The following NOTCH1 variants were observed in gnomAD, a reference collection of about 807,000 sequenced individuals.
NOTCH1 encodes the protein neurogenic locus notch homolog protein 1.
NOTCH1 carries 37 observed loss-of-function variants against 254.8 expected under a neutral mutation model. That is an observed-to-expected ratio of 0.15 (90% CI 0.11 to 0.19). The LOEUF is 0.19. Ranked by LOEUF, NOTCH1 falls within the 10% of genes least tolerant of loss-of-function variation. The pLI is 1.00. For synonymous variants in NOTCH1, 1,731 were observed against 1,618.1 expected, an observed-to-expected ratio of 1.07 and a Z score of -1.68; for missense variants, 2,972 against 3,708.6, an observed-to-expected ratio of 0.80 and a Z score of 5.16.
Position 136,545,904 on chromosome 9 carries a change from C to A in NOTCH1, c.-118G>T, listed in dbSNP as rs1449620977. On this transcript the variant is annotated 5_prime_UTR_variant, in exon 1 of 34. Coordinates refer to ENST00000651671, the MANE Select transcript of NOTCH1 (RefSeq NM_017617.5). The surrounding 1 kb of genome is among the most constrained non-coding windows in gnomAD (Gnocchi z 6.8). ...GCGGCGGCGGACGGTCCCGCCCTCT[C>A]TTCCCCGGCTGGCTGGCGGCGCTGT... 6 of 367,412 alleles carry A rather than the reference C, an allele frequency of 1.6e-5. No individual in the cohort carries two copies. Among genetic ancestry groups the A allele is most frequent in the Non-Finnish European group, 2.5e-5 (6 of 244,326 alleles). The allele number at this position is 367,412 out of a possible 1,614,324, so 22.8% of individuals were successfully genotyped here.
chr9:136,513,692 C>T lies in NOTCH1; in HGVS notation c.2208-155G>A, dbSNP rs1843219352. On this transcript the variant is annotated intron_variant, in intron 13 of 33. Coordinates refer to ENST00000651671, the MANE Select transcript of NOTCH1 (RefSeq NM_017617.5). This position sits in a 1 kb window ranked among gnomAD's most constrained non-coding sequence, Gnocchi z 4.7. ...AGTGGGGGCAGGCTGGGCGCTGTGGCTCACACCTGTAATCCCAGCACTTTG... is the reference window on the plus strand; with the variant it reads ...AGTGGGGGCAGGCTGGGCGCTGTGGTTCACACCTGTAATCCCAGCACTTTG... 7.5e-6 allele frequency: 6 copies of T among 804,184 alleles called. No homozygotes were observed. The highest frequency in any genetic ancestry group is 1.2e-5 in the Non-Finnish European group (6 of 496,346). 49.8% of individuals were successfully genotyped at this position (804,184 alleles called of 1,614,324 possible).
intron 2 of NOTCH1, among the ~76,000 whole-genome samples, chr9:136,537,932 A>C (rs1589081197): frequency 6.6e-6 from 1 of 152,168 alleles, no homozygotes; most frequent in Non-Finnish European, 1.5e-5. Context: ...GCCCCTACTA[A>C]GAATACAAAA....
chr9:136,500,477 T>C (rs2133325114), intron 31 of NOTCH1, 75 bp downstream of exon 31: 1 of 1,570,810 alleles, frequency 6.4e-7, no homozygotes, highest in Non-Finnish European at 8.7e-7. Context: ...CAGGGCCACG[T>C]AAGCCTGGCC....
chr9:136,526,459 C>T (rs925415357), intron 2 of NOTCH1, among the ~76,000 whole-genome samples: 1 of 152,242 alleles, frequency 6.6e-6, no homozygotes, highest in Non-Finnish European at 1.5e-5. Context: ...GGTCCCCTGC[C>T]TCCCGGCCCC....
rs1843302301 is a variant in NOTCH1 at position 136,517,883 on chromosome 9, T to G, written c.1310A>C (p.Glu437Ala). The G allele has an allele frequency of 6.2e-7, 1 of 1,612,024 alleles. No individual in the cohort carries two copies. The highest frequency in any genetic ancestry group is 8.5e-7 in the Non-Finnish European group (1 of 1,179,830). ...CGTGTAGCCCTGCAGACACTGGCAC[T>G]CGAAGGAGCCCAGCGTGTTGATGCA... ...GKCINTLGSF[E>A]CQCLQGYTGP... Residue 437 changes from glutamate to alanine, a missense_variant, in exon 8 of 34, where the codon GAG becomes GCG. Coordinates refer to ENST00000651671, the MANE Select transcript of NOTCH1 (RefSeq NM_017617.5).
Position 136,540,946 on chromosome 9 carries a change from G to C in NOTCH1, c.140+3078C>G, listed in dbSNP as rs547200489. 6.6e-6 allele frequency among the ~76,000 whole-genome samples: 1 copy of C among 152,092 alleles called. No individual in the cohort carries two copies. Among genetic ancestry groups the C allele is most frequent in the African/African-American group, 2.4e-5 (1 of 41,384 alleles). ...GACGTAGTCTCACCCAGACAGATAG[G>C]GTCCCTGCAGCTCTTCCCAGCTCTC... On this transcript the variant is annotated intron_variant, in intron 2 of 33. Coordinates refer to ENST00000651671, the MANE Select transcript of NOTCH1 (RefSeq NM_017617.5). This position sits in a 1 kb window ranked among gnomAD's most constrained non-coding sequence, Gnocchi z 4.4.
At chr9:136,532,521 G>A (rs553284076) in intron 2 of NOTCH1, among the ~76,000 whole-genome samples, 51 of 152,298 alleles carry the variant, frequency 3.3e-4, no homozygotes, top group Middle Eastern at 3.4e-3. Flanking sequence ...ACCAGGAAGG[G>A]GCTCCAGGGT....
At chr9:136,541,706 G>A (rs1469776615) in intron 2 of NOTCH1, among the ~76,000 whole-genome samples, 1 of 152,198 alleles carries the variant, frequency 6.6e-6, no homozygotes, top group Non-Finnish European at 1.5e-5. Context: ...GGAGCCCGGG[G>A]CCTTCTCCGA....
intron 9 of NOTCH1, among the ~76,000 whole-genome samples, chr9:136,516,597 G>A (rs1005958266): frequency 8.5e-5 from 13 of 152,210 alleles, no homozygotes; most frequent in African/African-American, 2.7e-4. Context: ...TGTCGCTGGC[G>A]TGCCGTTGGG....
Position 136,496,782 on chromosome 9 carries a change from C to T in NOTCH1, c.6957G>A (p.Val2319=). 1 of 1,612,866 alleles carries T rather than the reference C, an allele frequency of 6.2e-7. No individual in the cohort carries two copies. The highest frequency in any genetic ancestry group is 8.5e-7 in the Non-Finnish European group (1 of 1,179,998). Residue 2319 remains valine, a synonymous_variant, in exon 34 of 34, where the codon GTG becomes GTA. Transcript: ENST00000651671. ...EWLSRLQSGM[V]PNQYNPLRGS... ...CCCGCAGAGGGTTGTATTGGTTCGG[C>T]ACCATGCCGCTCTGCAGCCGGGACA... is the stretch of plus-strand genomic sequence containing the variant.
rs1191899630 is a variant in NOTCH1 at position 136,523,778 on chromosome 9, C to T, written c.342G>A (p.Gly114=). 6.2e-7 allele frequency: 1 copy of T among 1,611,770 alleles called. No individual in the cohort carries two copies. The highest frequency in any genetic ancestry group is 1.1e-5 in the South Asian group (1 of 90,912). ...NACLTNPCRN[G]GTCDLLTLTE... ...TCAGCGTGAGCAGGTCGCAGGTGCC[C>T]CCGTTGCGGCAGGGGTTGGTGAGGC... Residue 114 remains glycine, a synonymous_variant, in exon 3 of 34, where the codon GGG becomes GGA. Transcript: ENST00000651671.
rs541372272 is a variant in NOTCH1 at position 136,500,804 on chromosome 9, G to A, written c.5682C>T (p.Gly1894=). The change falls in exon 31 of 34, where the codon GGC becomes GGT. Residue 1894 remains glycine (G), a synonymous_variant. Coordinates refer to ENST00000651671, the MANE Select transcript of NOTCH1 (RefSeq NM_017617.5). ...CTTCCTCGCTGTTGCCCGTCTCCAG[G>A]CCGCCCCCGCTGCAGGAGGCGATCA... The part of the protein sequence containing the change: ...PLMIASCSGG[G]LETGNSEEEE... 1.3e-5 allele frequency: 21 copies of A among 1,599,570 alleles called. No individual in the cohort carries two copies. In the African/African-American group the frequency reaches 2.0e-4, roughly 15 times the overall value.
At chr9:136,503,802 TC>T (rs142496764) in intron 26 of NOTCH1, among the ~76,000 whole-genome samples, 1,952 of 152,272 alleles carry the variant, frequency 0.013, 36 homozygotes, top group African/African-American at 0.043. Flanking sequence ...CAGGATCCCA[TC>T]CAGCCTGTGA....
chr9:136,504,843 G>T lies in NOTCH1; in HGVS notation c.4848C>A (p.Ile1616=), dbSNP rs1843053505. ...CCTCCTCGCGGCCGTAGTAGGGGAA[G>T]ATCATCTGCTGGCCGTGTGCGTCAC... The part of the protein sequence containing the change: ...FKRDAHGQQM[I]FPYYGREEEL... Residue 1616 remains isoleucine, a synonymous_variant, in exon 26 of 34, where the codon ATC becomes ATA. Coordinates refer to ENST00000651671, the MANE Select transcript of NOTCH1 (RefSeq NM_017617.5). The T allele has an allele frequency of 7.0e-6, 11 of 1,580,110 alleles. No individual in the cohort carries two copies. The highest frequency in any genetic ancestry group is 9.5e-6 in the Non-Finnish European group (11 of 1,163,620).
chr9:136,497,585 A>AT, intron 33 of NOTCH1, 27 bp from the exon 34 acceptor site: 1 of 1,421,292 alleles, frequency 7.0e-7, no homozygotes, highest in Non-Finnish European at 9.5e-7. Flanking sequence ...GGGGCCGGTG[A>AT]GGGGGGCCAG....
rs2133379880 is a variant in NOTCH1, at chr9:136,523,975, C to A, written c.145G>T (p.Gly49Cys). 6.4e-7 allele frequency: 1 copy of A among 1,554,576 alleles called. No individual in the cohort carries two copies. The highest frequency in any genetic ancestry group is 8.7e-7 in the Non-Finnish European group (1 of 1,150,592). ...CATCGCGGGCCCACGAAGGCCCCGC[C>A]ACAGCTGTTGGCAGATGTGCCAGGG... ...AANGTEACVC[G>C]GAFVGPRCQD... is the part of the protein sequence containing the mutation. Residue 49 changes from glycine (G) to cysteine (C), a missense_variant, in exon 3 of 34, where the codon GGC becomes TGC. Physicochemically the swap from Gly to Cys is radical, Grantham distance 159 (BLOSUM62 -3). This residue lies in a region of NOTCH1 where 374 missense variants were observed against 496.3 expected (regional missense o/e 0.75). Coordinates refer to ENST00000651671, the MANE Select transcript of NOTCH1 (RefSeq NM_017617.5).
Position 136,513,609 on chromosome 9 carries a change from C to G in NOTCH1, c.2208-72G>C, listed in dbSNP as rs1589064817. 1.1e-5 allele frequency: 17 copies of G among 1,560,278 alleles called. No homozygotes were observed. The highest frequency in any genetic ancestry group is 1.5e-5 in the Non-Finnish European group (17 of 1,140,710). ...GGCCGGGGCCTGGGCACTCCCGGGT[C>G]TGCAATGCCCTATGGGCTGGCGGAG... On this transcript the variant is annotated intron_variant, in intron 13 of 33. Coordinates refer to ENST00000651671, the MANE Select transcript of NOTCH1 (RefSeq NM_017617.5). This position sits in a 1 kb window ranked among gnomAD's most constrained non-coding sequence, Gnocchi z 4.7.
At position 136,518,789 on chromosome 9, in the gene NOTCH1, G is replaced by C. The variant is rs1564200379; in HGVS notation, c.901C>G (p.Leu301Val). 1 of 1,612,864 alleles carries C rather than the reference G, an allele frequency of 6.2e-7. No individual in the cohort carries two copies. Among genetic ancestry groups the C allele is most frequent in the Non-Finnish European group, 8.5e-7 (1 of 1,179,984 alleles). The change falls in exon 6 of 34, where the codon CTG becomes GTG. Residue 301 changes from leucine (L) to valine (V), a missense_variant. Around this residue, in one of 8 missense-constraint regions of NOTCH1, gnomAD observed 374 missense variants for 496.3 expected, o/e 0.75. Transcript: ENST00000651671. ...CCGTTCTGGCAGGCATTTGGCATCA[G>C]CTGGCACTCGTCCACATCCTCGGTA... ...YCTEDVDECQ[L>V]MPNACQNGGT...
At position 136,545,814 on chromosome 9, in the gene NOTCH1, C is replaced by T; in HGVS notation, c.-28G>A. 1 of 1,231,258 alleles carries T rather than the reference C, an allele frequency of 8.1e-7. No homozygotes were observed. The highest frequency in any genetic ancestry group is 1.0e-6 in the Non-Finnish European group (1 of 982,288). The allele number at this position is 1,231,258 out of a possible 1,614,324, so 76.3% of individuals were successfully genotyped here. A position where few individuals can be genotyped will look rare whatever the true frequency, so the allele number is the denominator to read the frequency against. On this transcript the variant is annotated 5_prime_UTR_variant, in exon 1 of 34. Coordinates refer to ENST00000651671, the MANE Select transcript of NOTCH1 (RefSeq NM_017617.5). The surrounding 1 kb of genome is among the most constrained non-coding windows in gnomAD (Gnocchi z 6.8). ...CTCCCCACCGGCTGCCCTCTGCGCC[C>T]GGGCGGCGGCCTCCTGCGCTGGCCG... is the stretch of plus-strand genomic sequence containing the variant.
Sources: gnomAD v4.1 joint callset for allele counts (sites outside exome capture counted in the v4.1 genomes callset) on GRCh38, gnomAD v4.1.1 for gene constraint, gnomAD v4.1.1 regional missense constraint, Gnocchi (gnomAD v3.1) non-coding constraint, MANE v1.5 for transcripts, NCBI Gene and HGNC (gene_info 2026-07-23, HGNC 2026-07-21) for gene names.